The following CLMN variants were observed in gnomAD, a reference collection of about 807,000 sequenced individuals.
CLMN encodes calmin (calponin-like, transmembrane).
A neutral mutation model predicts 92.7 loss-of-function variants in CLMN; 57 were observed. The ratio of observed to expected loss-of-function variants is 0.61; its 90% CI spans 0.50 to 0.77. The LOEUF is 0.77. Ranked by LOEUF, CLMN falls within the 30% of genes least tolerant of loss-of-function variation. CLMN has a pLI of 0.00. For missense variants in CLMN, 1,158 were observed against 1,237.5 expected, an observed-to-expected ratio of 0.94 and a Z score of 0.96; for synonymous variants, 466 against 470.6, an observed-to-expected ratio of 0.99 and a Z score of 0.13.
chr14:95,222,698 C>A (rs187926079), intron 3 of CLMN: 53 of 432,190 alleles, frequency 1.2e-4, no homozygotes, highest in Non-Finnish European at 1.9e-4. Flanking sequence ...CATGGCGAGG[C>A]CTCTAAGAAA....
chr14:95,194,921 T>G lies in CLMN; in HGVS notation c.2709-325A>C, dbSNP rs1417661149. On this transcript the variant is annotated intron_variant, in intron 10 of 12. Coordinates refer to ENST00000298912, the MANE Select transcript of CLMN (RefSeq NM_024734.4). The surrounding 1 kb of genome is among the most constrained non-coding windows in gnomAD (Gnocchi z 4.0). Reference sequence around the variant, plus strand: ...AAGTAACCCAAGCATCCTGATGTGCTGGGACTCACCAGAGGTTCTCTGCAA... The same window carrying G: ...AAGTAACCCAAGCATCCTGATGTGCGGGGACTCACCAGAGGTTCTCTGCAA... Among the ~76,000 whole-genome samples the G allele has an allele frequency of 6.6e-6, 1 of 152,248 alleles. No homozygotes were observed. The highest frequency in any genetic ancestry group is 2.4e-5 in the African/African-American group (1 of 41,466).
chr14:95,279,833 C>T (rs943500864), intron 1 of CLMN, among the ~76,000 whole-genome samples: 5 of 152,100 alleles, frequency 3.3e-5, no homozygotes, highest in African/African-American at 7.2e-5. Flanking sequence ...GGCTTTTTCA[C>T]CAAAAATAAA....
intron 1 of CLMN, among the ~76,000 whole-genome samples, chr14:95,248,777 C>T (rs1000713396): frequency 1.3e-5 from 2 of 152,158 alleles, no homozygotes; most frequent in South Asian, 2.1e-4. Flanking sequence ...GGCTTCCCTG[C>T]ATAAACAAGC....
intron 5 of CLMN, among the ~76,000 whole-genome samples, chr14:95,214,959 C>T (rs926835773): frequency 1.3e-5 from 2 of 152,162 alleles, no homozygotes; most frequent in Non-Finnish European, 2.9e-5. Flanking sequence ...CCAGCTCTCT[C>T]CTTCTGACAG....
At position 95,209,448 on chromosome 14, in the gene CLMN, A is replaced by T; in HGVS notation, c.832T>A (p.Ser278Thr). ...DIMVDTPDEQ[S>T]IMTYVAQFLE... ...AACTGTGCCACGTAAGTCATGATAG[A>T]CTGCTCGTCTGGTGTGTCAACCATG... The change falls in exon 8 of 13, where the codon TCT becomes ACT. Residue 278 changes from serine (S) to threonine (T), a missense_variant. Physicochemically the swap from Ser to Thr is moderately conservative, Grantham distance 58. Coordinates refer to ENST00000298912, the MANE Select transcript of CLMN (RefSeq NM_024734.4). The T allele has an allele frequency of 6.2e-7, 1 of 1,614,190 alleles. No individual in the cohort carries two copies.
chr14:95,263,052 A>G (rs903965866), intron 1 of CLMN, among the ~76,000 whole-genome samples: 5 of 152,238 alleles, frequency 3.3e-5, no homozygotes, highest in African/African-American at 1.2e-4. Flanking sequence ...TGCCCAGCGC[A>G]TATGTGGCTC....
Position 95,239,068 on chromosome 14 carries a change from C to T in CLMN, c.83-8935G>A, listed in dbSNP as rs939436191. ...GCCCACCTTGATTTATGACAGGTGA[C>T]GCCAGCCAGCCATTAAAAACACAAG... On this transcript the variant is annotated intron_variant, in intron 1 of 12. Transcript: ENST00000298912. Among the ~76,000 whole-genome samples, 8 of 147,828 alleles carry T rather than the reference C, an allele frequency of 5.4e-5. No homozygotes were observed. The East Asian group carries it at 7.7e-4, about 14-fold the overall frequency.
chr14:95,229,760 C>T (rs1435770612), intron 2 of CLMN, among the ~76,000 whole-genome samples: 3 of 152,126 alleles, frequency 2.0e-5, no homozygotes, highest in South Asian at 2.1e-4. Context: ...AATCAAGATG[C>T]GCACCTGAGT....
At chr14:95,243,338 T>C (rs1898331050) in intron 1 of CLMN, among the ~76,000 whole-genome samples, 1 of 152,166 alleles carries the variant, frequency 6.6e-6, no homozygotes, top group Non-Finnish European at 1.5e-5. Flanking sequence ...GGTGTGTGTG[T>C]TGGGGGTAGG....
At chr14:95,293,511 C>G (rs1200357601) in intron 1 of CLMN, among the ~76,000 whole-genome samples, 1 of 151,806 alleles carries the variant, frequency 6.6e-6, no homozygotes, top group African/African-American at 2.4e-5. Flanking sequence ...CTTGAGGCCT[C>G]CCTAGGCAGT....
At chr14:95,299,472 TGCACCAGGTGCA>T (rs980574697) in intron 1 of CLMN, among the ~76,000 whole-genome samples, 1 of 152,148 alleles carries the variant, frequency 6.6e-6, no homozygotes, top group African/African-American at 2.4e-5. Flanking sequence ...GTGCCTATGC[TGCACCAGGTGCA>T]GCACCAGGTG....
intron 1 of CLMN, among the ~76,000 whole-genome samples, chr14:95,255,889 A>G (rs1026546452): frequency 6.6e-6 from 1 of 152,092 alleles, no homozygotes; most frequent in Admixed American, 6.5e-5. Context: ...ATTTTTGTGC[A>G]TGAGTGTGGC....
At chr14:95,248,263 A>G (rs571582191) in intron 1 of CLMN, among the ~76,000 whole-genome samples, 1 of 152,354 alleles carries the variant, frequency 6.6e-6, no homozygotes, top group African/African-American at 2.4e-5. Flanking sequence ...AAACATAACT[A>G]AAATTCTTAA....
chr14:95,214,503 C>T (rs1595576943), intron 5 of CLMN, among the ~76,000 whole-genome samples: 1 of 151,994 alleles, frequency 6.6e-6, no homozygotes, highest in Non-Finnish European at 1.5e-5. Context: ...GCACACACCA[C>T]CATGCCTGGC....
At chr14:95,244,721 C>T (rs886877057) in intron 1 of CLMN, among the ~76,000 whole-genome samples, 5 of 152,038 alleles carry the variant, frequency 3.3e-5, no homozygotes, top group Admixed American at 2.0e-4. Context: ...TCAATTTTTA[C>T]GTGAAGATGA....
intron 9 of CLMN, among the ~76,000 whole-genome samples, chr14:95,201,939 A>G (rs916754468): frequency 3.9e-5 from 6 of 152,196 alleles, no homozygotes; most frequent in African/African-American, 1.4e-4. Flanking sequence ...ATAGTATTCC[A>G]TGGTATATAT....
chr14:95,294,019 A>AGAGGAGGAG lies in CLMN; in HGVS notation c.82+25683_82+25691dup, dbSNP rs113654953. Among the ~76,000 whole-genome samples, 2 of 151,450 alleles carry AGAGGAGGAG rather than the reference A, an allele frequency of 1.3e-5. No homozygotes were observed. Among genetic ancestry groups the AGAGGAGGAG allele is most frequent in the Admixed American group, 6.6e-5 (1 of 15,234 alleles). On this transcript the variant is annotated intron_variant, in intron 1 of 12. Coordinates refer to ENST00000298912, the MANE Select transcript of CLMN (RefSeq NM_024734.4). This position sits in a 1 kb window ranked among gnomAD's most constrained non-coding sequence, Gnocchi z 4.2. ...CTGCCTGGCTGGAGGGTGACACCAA[A>AGAGGAGGAG]GAGGAGGAGGAGGAGGAGGAGGCCA...
At position 95,194,806 on chromosome 14, in the gene CLMN, T is replaced by C. The variant is rs1405981768; in HGVS notation, c.2709-210A>G. 2.0e-5 allele frequency among the ~76,000 whole-genome samples: 3 copies of C among 152,224 alleles called. No individual in the cohort carries two copies. Among genetic ancestry groups the C allele is most frequent in the South Asian group, 2.1e-4 (1 of 4,836 alleles). Reference sequence around the variant, plus strand: ...AGGATGGATATTAGTGATACACACATTGGGCCCTCATCTACAAGAAAAATC... The same window carrying C: ...AGGATGGATATTAGTGATACACACACTGGGCCCTCATCTACAAGAAAAATC... On this transcript the variant is annotated intron_variant, in intron 10 of 12. Transcript: ENST00000298912. The surrounding 1 kb of genome is among the most constrained non-coding windows in gnomAD (Gnocchi z 4.0).
chr14:95,232,113 G>T (rs1391118689), intron 1 of CLMN, among the ~76,000 whole-genome samples: 2 of 152,248 alleles, frequency 1.3e-5, no homozygotes, highest in African/African-American at 2.4e-5. Flanking sequence ...TCTCTCCTGA[G>T]TTCTGTGGCC....
Sources: allele counts gnomAD v4.1 joint callset (sites outside exome capture counted in the v4.1 genomes callset), GRCh38; gene constraint gnomAD v4.1.1; non-coding constraint Gnocchi (gnomAD v3.1); transcripts MANE v1.5; gene names NCBI Gene and HGNC (gene_info 2026-07-23, HGNC 2026-07-21).